MACC1: variants seen among roughly 807,000 people sequenced by gnomAD.
The protein encoded by MACC1 is MET transcriptional regulator MACC1, also known as metastasis-associated in colon cancer protein 1.
MACC1 carries 79 observed loss-of-function variants against 70.7 expected under a neutral mutation model. The observed-to-expected ratio is 1.12, with a 90% CI of 0.93 to 1.35. MACC1 has a LOEUF of 1.35. Ranked by LOEUF, MACC1 falls within the 40% of genes most tolerant of loss-of-function variation. The pLI, the probability that MACC1 is intolerant of heterozygous loss-of-function variation, is 0.00. For synonymous variants in MACC1, 361 were observed against 347.2 expected (o/e 1.04, Z -0.44); for missense variants, 1,106 against 978.1 (o/e 1.13, Z -1.74).
chr7:20,157,766 CAAAAAAAA>C (rs370288319), intron 5 of MACC1, among the ~76,000 whole-genome samples: 1 of 53,932 alleles, frequency 1.9e-5, no homozygotes, highest in Admixed American at 2.0e-4. Flanking sequence ...GACTTTGTCT[CAAAAAAAA>C]AAAAAAAAAA....
chr7:20,149,266 T>C (rs1171527343), intron 6 of MACC1, among the ~76,000 whole-genome samples: 1 of 152,166 alleles, frequency 6.6e-6, no homozygotes, highest in Non-Finnish European at 1.5e-5. Flanking sequence ...GCACTCTCAG[T>C]CACATTACTA....
At chr7:20,204,731 C>T (rs557172554) in intron 1 of MACC1, among the ~76,000 whole-genome samples, 1 of 152,254 alleles carries the variant, frequency 6.6e-6, no homozygotes, top group South Asian at 2.1e-4. Context: ...ACAGGCATAA[C>T]ATAAAAATTG....
Position 20,170,132 on chromosome 7 carries a change from C to T in MACC1, c.-153+582G>A, listed in dbSNP as rs141724885. 9.2e-5 allele frequency: 14 copies of T among 152,302 alleles called. No individual in the cohort carries two copies. In the East Asian group the frequency reaches 1.5e-3, roughly 17 times the overall value. The allele number at this position is 152,302 out of a possible 1,614,324, so 9.4% of individuals were successfully genotyped here. On this transcript the variant is annotated intron_variant, in intron 2 of 6. Transcript: ENST00000400331. ...AGGCACTGGAGTGCAATAGAAAGAA[C>T]GCAGTCTTTGAAAATAGACAGACGT...
chr7:20,139,318 C>A lies in MACC1; in HGVS notation c.*1628G>T, dbSNP rs2128099308. 6.6e-6 allele frequency: 1 copy of A among 152,296 alleles called. No homozygotes were observed. The highest frequency in any genetic ancestry group is 1.5e-5 in the Non-Finnish European group (1 of 68,040). The allele number at this position is 152,296 out of a possible 1,614,324, so 9.4% of individuals were successfully genotyped here. A position where few individuals can be genotyped will look rare whatever the true frequency, so the allele number is the denominator to read the frequency against. On this transcript the variant is annotated 3_prime_UTR_variant, in exon 7 of 7. Transcript: ENST00000400331. ...GCTTCAGTGCTTTGTGGGATCACCGCTTACACCCCACCACACCAGGACAAT... is the reference window on the plus strand; with the variant it reads ...GCTTCAGTGCTTTGTGGGATCACCGATTACACCCCACCACACCAGGACAAT...
In MACC1 at chr7:20,178,998, T is replaced by C. The variant is rs1440412661; in HGVS notation, c.-217-8220A>G. On this transcript the variant is annotated intron_variant, in intron 1 of 6. Coordinates refer to ENST00000400331, the MANE Select transcript of MACC1 (RefSeq NM_182762.4). ...TATCCTACTTTCTCTGGATTTTTTT[T>C]CTGGAAATCTGATGAAATGAATACT... is the stretch of plus-strand genomic sequence containing the variant. 1.1e-4 allele frequency among the ~76,000 whole-genome samples: 16 copies of C among 152,172 alleles called. 1 individual carries two copies. Among genetic ancestry groups the C allele is most frequent in the Admixed American group, 7.9e-4 (12 of 15,282 alleles).
chr7:20,209,692 T>C lies in MACC1; in HGVS notation c.-218+7607A>G, dbSNP rs149875879. Among the ~76,000 whole-genome samples, 1,291 of 152,274 alleles carry C rather than the reference T, an allele frequency of 8.5e-3. 22 individuals carry two copies. Among genetic ancestry groups the C allele is most frequent in the African/African-American group, 0.029 (1,215 of 41,552 alleles). On this transcript the variant is annotated intron_variant, in intron 1 of 6. Coordinates refer to ENST00000400331, the MANE Select transcript of MACC1 (RefSeq NM_182762.4). ...TGAGTTAAGGCTTTGGGGGGGACTA[T>C]TGGAAAGGCATGATTGTGTTTTGAA...
In MACC1 at chr7:20,158,665, T is replaced by C. The variant is rs768526291; in HGVS notation, c.1696A>G (p.Ile566Val). 6.2e-7 allele frequency: 1 copy of C among 1,613,954 alleles called. No homozygotes were observed. Among genetic ancestry groups the C allele is most frequent in the South Asian group, 1.1e-5 (1 of 91,080 alleles). The change falls in exon 5 of 7, where the codon ATT becomes GTT. Residue 566 changes from isoleucine to valine, a missense_variant. By Grantham distance (29) the Ile-to-Val change is conservative (BLOSUM62 3). Transcript: ENST00000400331. ...TLKAVLRQSKIDYFLEYFKGD... is the reference protein window; with the variant it reads ...TLKAVLRQSKVDYFLEYFKGD... ...TTGAAATATTCAAGGAAGTAATCAA[T>C]CTTGCTTTGTCTTAGCACTGCCTTC...
Position 20,141,112 on chromosome 7 carries a change from T to A in MACC1, c.2393A>T (p.His798Leu). ...CACATCTCTGTAGTTATTTCCATAG[T>A]GAGCACTCCAGGTATACAGAAAATC... ...AYDFLYTWSA[H>L]YGNNYRDVLQ... Residue 798 changes from histidine to leucine, a missense_variant, in exon 7 of 7, where the codon CAC becomes CTC. Physicochemically the swap from His to Leu is moderately conservative, Grantham distance 99 (BLOSUM62 -3). Transcript: ENST00000400331. The A allele has an allele frequency of 6.2e-7, 1 of 1,612,542 alleles. No individual in the cohort carries two copies.
chr7:20,147,127 A>G (rs1164349784), intron 6 of MACC1, among the ~76,000 whole-genome samples: 7 of 152,226 alleles, frequency 4.6e-5, no homozygotes, highest in Admixed American at 1.3e-4. Flanking sequence ...GGAGCAATAA[A>G]AAGTAATAAG....
chr7:20,145,318 G>C (rs55876692), intron 6 of MACC1, among the ~76,000 whole-genome samples: 5,687 of 152,164 alleles, frequency 0.037, 209 homozygotes, highest in African/African-American at 0.092. Context: ...GGAGAAGGCA[G>C]TTTCAAGAGA....
intron 2 of MACC1, chr7:20,170,393 G>A (rs1427465324): frequency 3.3e-5 from 5 of 152,112 alleles, no homozygotes; most frequent in East Asian, 1.9e-4. Context: ...TGCCAATTCC[G>A]TTGGTCTTAG....
At position 20,176,710 on chromosome 7, in the gene MACC1, G is replaced by C. The variant is rs539747202; in HGVS notation, c.-217-5932C>G. 2.0e-5 allele frequency among the ~76,000 whole-genome samples: 3 copies of C among 152,198 alleles called. No individual in the cohort carries two copies. In the East Asian group the frequency reaches 5.8e-4, roughly 29 times the overall value. ...CAGTGAGTAAATGATTTAAAGAACTGTGTTACACCCATACCGTGAAATATT... is the reference window on the plus strand; with the variant it reads ...CAGTGAGTAAATGATTTAAAGAACTCTGTTACACCCATACCGTGAAATATT... On this transcript the variant is annotated intron_variant, in intron 1 of 6. Transcript: ENST00000400331.
intron 1 of MACC1, among the ~76,000 whole-genome samples, chr7:20,196,453 T>G (rs1279674766): frequency 6.6e-6 from 1 of 152,200 alleles, no homozygotes; most frequent in African/African-American, 2.4e-5. Flanking sequence ...CTGCTGGGAT[T>G]ACAGGCGTGA....
chr7:20,189,613 G>T (rs1463251036), intron 1 of MACC1, among the ~76,000 whole-genome samples: 1 of 152,198 alleles, frequency 6.6e-6, no homozygotes, highest in Non-Finnish European at 1.5e-5. Flanking sequence ...CAGCAACAGT[G>T]TGAAAGCTCT....
At chr7:20,146,074 T>C (rs1275637730) in intron 6 of MACC1, among the ~76,000 whole-genome samples, 3 of 149,368 alleles carry the variant, frequency 2.0e-5, no homozygotes, top group Non-Finnish European at 3.0e-5. Flanking sequence ...GGCAGGAGAA[T>C]CGCTTGAACC....
At chr7:20,184,685 C>G (rs1782558576) in intron 1 of MACC1, among the ~76,000 whole-genome samples, 2 of 152,000 alleles carry the variant, frequency 1.3e-5, no homozygotes, top group Non-Finnish European at 2.9e-5. Flanking sequence ...AAATGTTTAC[C>G]TTTTGTCTGC....
intron 1 of MACC1, among the ~76,000 whole-genome samples, chr7:20,211,326 T>A (rs915401522): frequency 6.6e-6 from 1 of 152,114 alleles, no homozygotes; most frequent in South Asian, 2.1e-4. Context: ...CAGTTGGTAC[T>A]AATAGTTACT....
At chr7:20,203,470 C>A (rs1203146476) in intron 1 of MACC1, among the ~76,000 whole-genome samples, 2 of 152,192 alleles carry the variant, frequency 1.3e-5, no homozygotes, top group Admixed American at 6.5e-5. Flanking sequence ...GAGAAGCTTT[C>A]AACGGCTAAA....
At chr7:20,202,916 T>C (rs565265055) in intron 1 of MACC1, among the ~76,000 whole-genome samples, 1 of 152,368 alleles carries the variant, frequency 6.6e-6, no homozygotes, top group Non-Finnish European at 1.5e-5. Context: ...AGATTGTATG[T>C]TGTCTTTGTT....
Sources: allele counts gnomAD v4.1 joint callset (sites outside exome capture counted in the v4.1 genomes callset), GRCh38; gene constraint gnomAD v4.1.1; transcripts MANE v1.5; gene names NCBI Gene and HGNC (gene_info 2026-07-23, HGNC 2026-07-21).